The following DIP2C variants were observed in gnomAD, a reference collection of about 807,000 sequenced individuals.
DIP2C encodes the protein DIP2 acetate--CoA ligase C (putative).
In DIP2C, 33 loss-of-function variants were observed where a neutral mutation model predicts 192.4. That is an observed-to-expected ratio of 0.17 (90% CI 0.13 to 0.23). The LOEUF is 0.23. Among genes scored for constraint, DIP2C ranks in the 10% least tolerant of loss-of-function variants. The probability of loss-of-function intolerance (pLI) is 1.00; values close to 1 mark genes in which losing one functional copy is unlikely to be tolerated. For missense variants in DIP2C, 1,537 were observed against 2,110.1 expected (o/e 0.73, Z 5.32); for synonymous variants, 979 against 864.1 (o/e 1.13, Z -2.33).
chr10:685,173 TATATATATATATAC>T (rs1464381903), intron 1 of DIP2C, among the ~76,000 whole-genome samples: 61 of 18,456 alleles, frequency 3.3e-3, no homozygotes, highest in African/African-American at 7.7e-3. Flanking sequence ...TATATATATA[TATATATATATATAC>T]ATATATATAT....
chr10:606,945 C>G (rs905220977), intron 1 of DIP2C, among the ~76,000 whole-genome samples: 1 of 152,208 alleles, frequency 6.6e-6, no homozygotes, highest in Admixed American at 6.5e-5. Context: ...ACTAGGCAGC[C>G]AGGACGCACA....
intron 17 of DIP2C, among the ~76,000 whole-genome samples, chr10:372,304 A>AC (rs1442452296): frequency 6.6e-6 from 1 of 152,096 alleles, no homozygotes; most frequent in Non-Finnish European, 1.5e-5. Context: ...CGAACTCCTG[A>AC]CCTCGAGTGA....
chr10:392,837 C>T (rs1402816909), intron 10 of DIP2C, among the ~76,000 whole-genome samples: 1 of 151,860 alleles, frequency 6.6e-6, no homozygotes, highest in Non-Finnish European at 1.5e-5. Flanking sequence ...CACACGCCCA[C>T]GCACACACAC....
chr10:444,694 G>C (rs1445986748), intron 3 of DIP2C, among the ~76,000 whole-genome samples: 2 of 152,200 alleles, frequency 1.3e-5, no homozygotes, highest in African/African-American at 4.8e-5. Context: ...TCCACAGCAT[G>C]GTGTTCACTC....
intron 3 of DIP2C, among the ~76,000 whole-genome samples, chr10:449,924 A>AC (rs1968713749): frequency 6.9e-5 from 9 of 130,340 alleles, no homozygotes; most frequent in Admixed American, 3.7e-4. Context: ...CAACAACAAA[A>AC]AAAAAAAAAA....
At chr10:460,482 A>T (rs1969683385) in intron 3 of DIP2C, among the ~76,000 whole-genome samples, 1 of 152,236 alleles carries the variant, frequency 6.6e-6, no homozygotes, top group Non-Finnish European at 1.5e-5. Flanking sequence ...GGGTTTAGAA[A>T]TGAAATGAGA....
At chr10:336,875 G>A (rs1446547471) in intron 29 of DIP2C, among the ~76,000 whole-genome samples, 3 of 147,026 alleles carry the variant, frequency 2.0e-5, no homozygotes, top group Non-Finnish European at 3.0e-5. Flanking sequence ...GTGTGTGCGC[G>A]TGTTGTGGAG....
intron 1 of DIP2C, among the ~76,000 whole-genome samples, chr10:611,883 A>G (rs1407760062): frequency 6.6e-6 from 1 of 152,206 alleles, no homozygotes; most frequent in Non-Finnish European, 1.5e-5. Context: ...CCAGTGACCC[A>G]TGTAACTATG....
At chr10:326,856 AG>A in intron 31 of DIP2C, 149 bp downstream of exon 31, 1 of 875,462 alleles carries the variant, frequency 1.1e-6, no homozygotes, top group Non-Finnish European at 1.7e-6. Context: ...AAAGAAACAG[AG>A]ATCTGCACCA....
intron 1 of DIP2C, among the ~76,000 whole-genome samples, chr10:579,764 C>G (rs113010603): frequency 6.6e-6 from 1 of 151,942 alleles, no homozygotes; most frequent in East Asian, 1.9e-4. Context: ...TATGTACATG[C>G]AGAGCATACA....
intron 1 of DIP2C, among the ~76,000 whole-genome samples, chr10:615,586 C>T (rs977711918): frequency 6.6e-6 from 1 of 152,010 alleles, no homozygotes; most frequent in African/African-American, 2.4e-5. Context: ...CTATTTACTT[C>T]GGATGCCAGA....
At chr10:365,547 A>G (rs1312670051) in intron 19 of DIP2C, among the ~76,000 whole-genome samples, 1 of 152,206 alleles carries the variant, frequency 6.6e-6, no homozygotes, top group African/African-American at 2.4e-5. Context: ...AACAACAACC[A>G]AAAGTTCTAA....
In DIP2C at chr10:677,986, A is replaced by T. The variant is rs960695792; in HGVS notation, c.85+11508T>A. On this transcript the variant is annotated intron_variant, in intron 1 of 36. Transcript: ENST00000280886. ...TGCAGAGCACAAGAATGCCCATGTC[A>T]TGAGCCCCCGCTGCAGAGCATAGCC... Among the ~76,000 whole-genome samples the T allele has an allele frequency of 4.6e-5, 7 of 152,374 alleles. No homozygotes were observed. In the East Asian group the frequency reaches 1.3e-3, roughly 29 times the overall value.
At chr10:502,626 C>G (rs1429978400) in intron 1 of DIP2C, among the ~76,000 whole-genome samples, 2 of 152,132 alleles carry the variant, frequency 1.3e-5, no homozygotes, top group Admixed American at 6.5e-5. Flanking sequence ...AGTCCTAGAT[C>G]CAATACCTGA....
At chr10:546,199 T>C (rs1298489225) in intron 1 of DIP2C, among the ~76,000 whole-genome samples, 2 of 150,720 alleles carry the variant, frequency 1.3e-5, no homozygotes, top group Middle Eastern at 3.4e-3. Flanking sequence ...GGAGAATCAC[T>C]TGAACCCGGG....
intron 16 of DIP2C, among the ~76,000 whole-genome samples, chr10:383,741 T>C (rs1172945323): frequency 6.6e-6 from 1 of 152,140 alleles, no homozygotes; most frequent in Non-Finnish European, 1.5e-5. Flanking sequence ...AAAGGAACTT[T>C]CTCTACAGAA....
intron 1 of DIP2C, among the ~76,000 whole-genome samples, chr10:536,449 A>T (rs1381645533): frequency 6.6e-6 from 1 of 151,830 alleles, no homozygotes; most frequent in Non-Finnish European, 1.5e-5. Context: ...CCCGGGGGCT[A>T]GAGTTGTATC....
At chr10:281,626 T>C (rs1423152273) in intron 35 of DIP2C, among the ~76,000 whole-genome samples, 1 of 152,230 alleles carries the variant, frequency 6.6e-6, no homozygotes, top group Non-Finnish European at 1.5e-5. Context: ...TGCATGTTCA[T>C]CGGGAGCAAC....
rs544436466 is a variant in DIP2C at position 465,138 on chromosome 10, A to G, written c.268+7301T>C. ...ATGAACATTGATGCAAAAATCCTCA[A>G]TAAAATACTGGCAAACCGAATCCAG... On this transcript the variant is annotated intron_variant, in intron 3 of 36. Transcript: ENST00000280886. Among the ~76,000 whole-genome samples the G allele has an allele frequency of 2.1e-3, 256 of 122,116 alleles. 3 individuals are homozygous for G. The highest frequency in any genetic ancestry group is 7.0e-3 in the African/African-American group (222 of 31,600). 80.1% of individuals were successfully genotyped at this position (122,116 alleles called of 152,430 possible). A position where few individuals can be genotyped will look rare whatever the true frequency, so the allele number is the denominator to read the frequency against.
Sources: allele counts gnomAD v4.1 joint callset (sites outside exome capture counted in the v4.1 genomes callset), GRCh38; gene constraint gnomAD v4.1.1; transcripts MANE v1.5; gene names NCBI Gene and HGNC (gene_info 2026-07-23, HGNC 2026-07-21).